The following THRB variants were observed in gnomAD, a reference collection of about 807,000 sequenced individuals.
THRB encodes the protein thyroid hormone receptor beta, also known as nuclear receptor subfamily 1 group A member 2.
In THRB, 12 loss-of-function variants were observed where a neutral mutation model predicts 47.8. The observed-to-expected ratio is 0.25, with a 90% CI of 0.16 to 0.41. The LOEUF is 0.41. Among genes scored for constraint, THRB ranks in the 10% least tolerant of loss-of-function variants. The pLI, the probability that THRB is intolerant of heterozygous loss-of-function variation, is 1.00. For synonymous variants in THRB, 218 were observed against 212.2 expected (o/e 1.03, Z -0.24); for missense variants, 348 against 589.2 (o/e 0.59, Z 4.24).
At position 24,119,704 on chromosome 3, in the gene THRB, A is replaced by G. The variant is rs1386706577; in HGVS notation, c.*3180T>C. 6.6e-6 allele frequency: 1 copy of G among 152,304 alleles called. No individual in the cohort carries two copies. Among genetic ancestry groups the G allele is most frequent in the Non-Finnish European group, 1.5e-5 (1 of 68,122 alleles). 9.4% of individuals were successfully genotyped at this position (152,304 alleles called of 1,614,324 possible). A position where few individuals can be genotyped will look rare whatever the true frequency, so the allele number is the denominator to read the frequency against. On this transcript the variant is annotated 3_prime_UTR_variant, in exon 11 of 11. Transcript: ENST00000646209. ...GGGGCTTCGCTGGGCTGAGGCATCAACAGGTCAAGCGCGTCATTGAGGACC... is the reference window on the plus strand; with the variant it reads ...GGGGCTTCGCTGGGCTGAGGCATCAGCAGGTCAAGCGCGTCATTGAGGACC...
chr3:24,223,861 G>A lies in THRB; in HGVS notation c.22+5077C>T, dbSNP rs909079618. Among the ~76,000 whole-genome samples the A allele has an allele frequency of 4.6e-5, 7 of 151,808 alleles. 1 individual carries two copies. The highest frequency in any genetic ancestry group is 6.8e-3 in the Middle Eastern group (2 of 294). ...TAAACAAACAGGTTAAGTTATAAAA[G>A]GTGAAGTTTGAGTCACCAATCAATG... On this transcript the variant is annotated intron_variant, in intron 4 of 10. Coordinates refer to ENST00000646209, the MANE Select transcript of THRB (RefSeq NM_001354712.2).
At chr3:24,259,575 T>G (rs1466701010) in intron 3 of THRB, among the ~76,000 whole-genome samples, 3 of 151,802 alleles carry the variant, frequency 2.0e-5, no homozygotes, top group Admixed American at 6.6e-5. Context: ...TTGGTCCAAG[T>G]TTTTCACAAC....
At chr3:24,241,743 G>A (rs1419622451) in intron 3 of THRB, among the ~76,000 whole-genome samples, 1 of 152,134 alleles carries the variant, frequency 6.6e-6, no homozygotes, top group African/African-American at 2.4e-5. Flanking sequence ...GGTTCTCAAA[G>A]TATGCAGGCA....
intron 1 of THRB, among the ~76,000 whole-genome samples, chr3:24,375,334 A>T (rs973919507): frequency 7.0e-6 from 1 of 141,970 alleles, no homozygotes; most frequent in African/African-American, 2.7e-5. Flanking sequence ...GACATATATT[A>T]TTATATTTAG....
At chr3:24,206,081 A>T (rs1265192687) in intron 4 of THRB, among the ~76,000 whole-genome samples, 2 of 152,240 alleles carry the variant, frequency 1.3e-5, no homozygotes, top group Admixed American at 1.3e-4. Flanking sequence ...CGTCAACATT[A>T]GACAGATCAA....
chr3:24,136,451 A>C (rs754930015), intron 8 of THRB, among the ~76,000 whole-genome samples: 1 of 152,200 alleles, frequency 6.6e-6, no homozygotes, highest in Non-Finnish European at 1.5e-5. Context: ...TGAGCAGTGA[A>C]ACCCTGTTTG....
intron 3 of THRB, among the ~76,000 whole-genome samples, chr3:24,277,982 T>A (rs1342432251): frequency 6.6e-6 from 1 of 151,876 alleles, no homozygotes; most frequent in Non-Finnish European, 1.5e-5. Flanking sequence ...CATGGACAGT[T>A]TCATTATGCT....
chr3:24,169,189 C>T (rs1275863546), intron 5 of THRB, among the ~76,000 whole-genome samples: 2 of 152,116 alleles, frequency 1.3e-5, no homozygotes, highest in Non-Finnish European at 2.9e-5. Context: ...AACTATACGT[C>T]CCAGTTTCCC....
chr3:24,175,097 C>T (rs188726726), intron 5 of THRB, among the ~76,000 whole-genome samples: 1 of 152,210 alleles, frequency 6.6e-6, no homozygotes, highest in South Asian at 2.1e-4. Context: ...GGAATTTATA[C>T]ACTCAGAAAA....
At chr3:24,188,487 C>T (rs1050176598) in intron 5 of THRB, among the ~76,000 whole-genome samples, 13 of 152,154 alleles carry the variant, frequency 8.5e-5, no homozygotes, top group South Asian at 4.2e-4. Context: ...TTTTAAGATG[C>T]ATAGATTTAT....
At chr3:24,389,000 C>T (rs2066346466) in intron 1 of THRB, among the ~76,000 whole-genome samples, 1 of 152,176 alleles carries the variant, frequency 6.6e-6, no homozygotes, top group Admixed American at 6.5e-5. Flanking sequence ...ACTCCCATCT[C>T]TACTTTGTGA....
chr3:24,139,761 T>C (rs2035197698), intron 8 of THRB, among the ~76,000 whole-genome samples: 1 of 152,204 alleles, frequency 6.6e-6, no homozygotes, highest in Admixed American at 6.5e-5. Context: ...ACTATGTCAG[T>C]AGCTCCTTTT....
At chr3:24,370,451 G>A (rs1429770032) in intron 1 of THRB, among the ~76,000 whole-genome samples, 1 of 152,004 alleles carries the variant, frequency 6.6e-6, no homozygotes, top group Non-Finnish European at 1.5e-5. Context: ...ACGTGTGTGA[G>A]GTGTGCACAT....
intron 1 of THRB, among the ~76,000 whole-genome samples, chr3:24,406,619 A>G (rs1323493852): frequency 1.4e-4 from 21 of 151,856 alleles, no homozygotes. Context: ...ACTCTTAAAA[A>G]AAAAAAGAAA....
rs546415527 is a variant in THRB at position 24,221,377 on chromosome 3, G to A, written c.22+7561C>T. 3.3e-5 allele frequency among the ~76,000 whole-genome samples: 5 copies of A among 152,296 alleles called. No homozygotes were observed. In the South Asian group the frequency reaches 8.3e-4, roughly 25 times the overall value. ...TCCCCACATAACAGAACCTTGTTAA[G>A]TTATAGCTGTTATTTGTGACTGTTA... On this transcript the variant is annotated intron_variant, in intron 4 of 10. Coordinates refer to ENST00000646209, the MANE Select transcript of THRB (RefSeq NM_001354712.2).
chr3:24,411,130 A>C (rs1465089162), intron 1 of THRB, among the ~76,000 whole-genome samples: 1 of 151,772 alleles, frequency 6.6e-6, no homozygotes, highest in Admixed American at 6.6e-5. Context: ...TTGAAACTGC[A>C]ACATTGGCCT....
At chr3:24,199,346 T>C (rs2044332759) in intron 4 of THRB, among the ~76,000 whole-genome samples, 1 of 152,238 alleles carries the variant, frequency 6.6e-6, no homozygotes, top group Admixed American at 6.5e-5. Flanking sequence ...CTGCCTTTCA[T>C]TGCTAAATGG....
intron 9 of THRB, 143 bp from the exon 10 acceptor site, chr3:24,127,900 C>T: frequency 3.1e-6 from 3 of 983,488 alleles, no homozygotes; most frequent in African/African-American, 1.6e-5. Context: ...TTTTCCCTTC[C>T]CTACTTGGCT....
rs1575219401 is a variant in THRB, at chr3:24,120,592, C to T, written c.*2292G>A. 6.6e-6 allele frequency: 1 copy of T among 152,266 alleles called. No homozygotes were observed. Among genetic ancestry groups the T allele is most frequent in the Non-Finnish European group, 1.5e-5 (1 of 68,052 alleles). 9.4% of individuals were successfully genotyped at this position (152,266 alleles called of 1,614,324 possible). ...CTTTGGAAAGAAAGCTTGCCCCAGA[C>T]AGCAGAGCTTCTCAGGGTTACCCTG... On this transcript the variant is annotated 3_prime_UTR_variant, in exon 11 of 11. Transcript: ENST00000646209.
Sources: allele counts gnomAD v4.1 joint callset (sites outside exome capture counted in the v4.1 genomes callset), GRCh38; gene constraint gnomAD v4.1.1; transcripts MANE v1.5; gene names NCBI Gene and HGNC (gene_info 2026-07-23, HGNC 2026-07-21).